The following GRK5 variants were observed in gnomAD, a reference collection of about 807,000 sequenced individuals.
The protein encoded by GRK5 is g protein-coupled receptor kinase GRK5.
GRK5 carries 40 observed loss-of-function variants against 78.4 expected under a neutral mutation model. The observed-to-expected ratio is 0.51, with a 90% confidence interval of 0.40 to 0.66. The LOEUF is 0.66. GRK5 is among the 30% of genes least tolerant of loss of function. The pLI is 0.00. For synonymous variants in GRK5, 289 were observed against 296.8 expected (o/e 0.97, Z 0.27); for missense variants, 598 against 759.9 (o/e 0.79, Z 2.50).
At chr10:119,248,252 A>G (rs538397741) in intron 1 of GRK5, among the ~76,000 whole-genome samples, 97 of 152,194 alleles carry the variant, frequency 6.4e-4, no homozygotes, top group South Asian at 8.3e-4. Context: ...GGCTCAAGCA[A>G]TCCTCCTGCC....
chr10:119,387,176 G>T (rs1290760913), intron 3 of GRK5, among the ~76,000 whole-genome samples: 1 of 152,052 alleles, frequency 6.6e-6, no homozygotes, highest in Non-Finnish European at 1.5e-5. Context: ...AGCTAATTTT[G>T]TATTTTTAAT....
chr10:119,207,579 C>T lies in GRK5; in HGVS notation c.-339C>T, dbSNP rs1356603456. ...AGGGACTGAGGGGAGGCAGAAGCAT[C>T]CGAGGCATTAAAGCATCCGAGGGAG... On this transcript the variant is annotated 5_prime_UTR_variant, in exon 1 of 16. Transcript: ENST00000392870. 1 of 273,980 alleles carries T rather than the reference C, an allele frequency of 3.6e-6. No individual in the cohort carries two copies. The highest frequency in any genetic ancestry group is 7.0e-6 in the Non-Finnish European group (1 of 142,762). 17.0% of individuals were successfully genotyped at this position (273,980 alleles called of 1,614,324 possible).
intron 1 of GRK5, among the ~76,000 whole-genome samples, chr10:119,224,572 G>A (rs1308244956): frequency 6.6e-6 from 1 of 151,982 alleles, no homozygotes; most frequent in Non-Finnish European, 1.5e-5. Context: ...ACCATGCCCG[G>A]CTAACTTTTG....
intron 2 of GRK5, among the ~76,000 whole-genome samples, chr10:119,342,273 A>G (rs1850996652): frequency 6.6e-6 from 1 of 152,230 alleles, no homozygotes; most frequent in Non-Finnish European, 1.5e-5. Flanking sequence ...GGACAAAGCC[A>G]TTGAGCTGCT....
chr10:119,254,952 G>T (rs1014010520), intron 1 of GRK5, among the ~76,000 whole-genome samples: 2 of 151,312 alleles, frequency 1.3e-5, no homozygotes, highest in Admixed American at 6.6e-5. Context: ...CTACTCAGGA[G>T]GCTTAAGCAG....
chr10:119,241,479 G>A (rs149635403), intron 1 of GRK5, among the ~76,000 whole-genome samples: 5 of 152,298 alleles, frequency 3.3e-5, no homozygotes, highest in African/African-American at 1.2e-4. Context: ...GTCCCACACC[G>A]TTAACTGCAA....
chr10:119,260,596 T>C (rs896239445), intron 1 of GRK5, among the ~76,000 whole-genome samples: 2 of 151,730 alleles, frequency 1.3e-5, no homozygotes, highest in Non-Finnish European at 2.9e-5. Context: ...GATTAGGGAG[T>C]GGTGATGACT....
In GRK5 at chr10:119,394,864, C is replaced by T. The variant is rs903130160; in HGVS notation, c.262-1831C>T. ...GCACGTGTGTGTGCACACATGTGCA[C>T]TCAGGTTTAGGAGAGCGACAGGGGG... On this transcript the variant is annotated intron_variant, in intron 3 of 15. Coordinates refer to ENST00000392870, the MANE Select transcript of GRK5 (RefSeq NM_005308.3). 6.3e-5 allele frequency among the ~76,000 whole-genome samples: 9 copies of T among 142,976 alleles called. 1 individual carries two copies. Among genetic ancestry groups the T allele is most frequent in the Admixed American group, 5.6e-4 (7 of 12,566 alleles). The allele number at this position is 142,976 out of a possible 152,430, so 93.8% of individuals were successfully genotyped here.
chr10:119,433,581 G>GTCC (rs1375087845), intron 8 of GRK5, among the ~76,000 whole-genome samples: 1 of 152,204 alleles, frequency 6.6e-6, no homozygotes, highest in Non-Finnish European at 1.5e-5. Context: ...CAGAAGCACA[G>GTCC]TCCCCATGAG....
At chr10:119,402,650 C>T (rs1270165462) in intron 4 of GRK5, among the ~76,000 whole-genome samples, 4 of 152,030 alleles carry the variant, frequency 2.6e-5, no homozygotes, top group East Asian at 1.9e-4. Context: ...GTCAGGGGTT[C>T]GAGACCAGCC....
chr10:119,257,119 T>C (rs1849299328), intron 1 of GRK5, among the ~76,000 whole-genome samples: 1 of 152,278 alleles, frequency 6.6e-6, no homozygotes, highest in African/African-American at 2.4e-5. Context: ...CACAATTTGT[T>C]AATCCACTCA....
chr10:119,260,551 G>A (rs1251626008), intron 1 of GRK5, among the ~76,000 whole-genome samples: 19 of 151,852 alleles, frequency 1.3e-4, no homozygotes, highest in South Asian at 4.2e-4. Context: ...AGGACCCTGC[G>A]GCCTTCCGCA....
chr10:119,345,286 G>T (rs1275447612), intron 2 of GRK5, among the ~76,000 whole-genome samples: 1 of 152,138 alleles, frequency 6.6e-6, no homozygotes, highest in Non-Finnish European at 1.5e-5. Context: ...ACTTTCTTGG[G>T]GTTTGGCAGG....
intron 2 of GRK5, among the ~76,000 whole-genome samples, chr10:119,358,563 A>C (rs959262946): frequency 6.6e-6 from 1 of 152,052 alleles, no homozygotes; most frequent in African/African-American, 2.4e-5. Context: ...CTGTGCCCTC[A>C]TCTGCTCCTC....
At chr10:119,212,864 G>A (rs1161860601) in intron 1 of GRK5, 1 of 152,248 alleles carries the variant, frequency 6.6e-6, no homozygotes, top group Non-Finnish European at 1.5e-5. Flanking sequence ...GGAGCCGAGT[G>A]CGGTGGCACA....
chr10:119,307,944 G>A (rs765006808), intron 1 of GRK5, among the ~76,000 whole-genome samples: 30 of 152,240 alleles, frequency 2.0e-4, no homozygotes, highest in Non-Finnish European at 3.2e-4. Flanking sequence ...CAGGAATGAG[G>A]TGGGGAGAGG....
intron 4 of GRK5, among the ~76,000 whole-genome samples, chr10:119,413,397 A>G (rs904814598): frequency 6.6e-6 from 1 of 151,286 alleles, no homozygotes; most frequent in Admixed American, 6.6e-5. Flanking sequence ...GTTCACACTC[A>G]TGCACACAGG....
intron 9 of GRK5, among the ~76,000 whole-genome samples, chr10:119,437,829 G>T (rs1852954093): frequency 6.6e-6 from 1 of 152,192 alleles, no homozygotes; most frequent in Admixed American, 6.5e-5. Context: ...CGGTTGTGGT[G>T]GTTCACACCT....
chr10:119,344,692 C>T (rs1054790473), intron 2 of GRK5, among the ~76,000 whole-genome samples: 17 of 152,158 alleles, frequency 1.1e-4, no homozygotes, highest in Admixed American at 7.9e-4. Flanking sequence ...CTGTGCTGTG[C>T]GTGGGGCCGT....
Sources: allele counts gnomAD v4.1 joint callset (sites outside exome capture counted in the v4.1 genomes callset), GRCh38; gene constraint gnomAD v4.1.1; transcripts MANE v1.5; gene names NCBI Gene and HGNC (gene_info 2026-07-23, HGNC 2026-07-21).